Variants in OR6K6 observed in about 807,000 individuals in gnomAD.
OR6K6 encodes olfactory receptor family 6 subfamily K member 6, also known as olfactory receptor 6K6.
Under a neutral mutation model 8.1 loss-of-function variants are expected in OR6K6, and 9 were observed. The ratio of observed to expected loss-of-function variants is 1.11; its 90% CI spans 0.67 to 1.94. The LOEUF (loss-of-function observed/expected upper bound fraction) is 1.94, where lower values mean the gene tolerates loss of function less well. Among genes scored for constraint, OR6K6 ranks in the 30% most tolerant of loss-of-function variants. OR6K6 has a pLI of 0.00. For synonymous variants in OR6K6, 156 were observed against 140.3 expected (o/e 1.11, Z -0.79); for missense variants, 400 against 383.1 (o/e 1.04, Z -0.37).
At position 158,754,816 on chromosome 1, in the gene OR6K6, A is replaced by G. The variant is rs1343823165; in HGVS notation, c.-72A>G. 5.6e-6 allele frequency: 9 copies of G among 1,599,454 alleles called. No individual in the cohort carries two copies. The highest frequency in any genetic ancestry group is 1.7e-4 in the Middle Eastern group (1 of 5,988). The stretch of plus-strand genomic sequence containing the variant: ...CTTGAGTAACTCATTACAGAAAGGA[A>G]TGAAGCAATATTCAGTGGGTAATCA... On this transcript the variant is annotated 5_prime_UTR_variant, in exon 1 of 1. An upstream start codon of the reference 5' UTR is lost. Coordinates refer to ENST00000641861, the Ensembl canonical transcript of OR6K6.
chr1:158,754,933 T>C, exon 1 of OR6K6: 1 of 1,614,128 alleles, frequency 6.2e-7, no homozygotes, highest in Non-Finnish European at 8.5e-7. Flanking sequence ...GGTGACTGAG[T>C]TCCTCTTCTC....
At chr1:158,755,376 G>A in exon 1 of OR6K6, 1 of 1,614,200 alleles carries the variant, frequency 6.2e-7, no homozygotes, top group South Asian at 1.1e-5. Context: ...TGCTTCCTGA[G>A]ATTGCATGGA....
exon 1 of OR6K6, chr1:158,754,857 G>C (rs41273539): frequency 1.5e-5 from 25 of 1,613,060 alleles, no homozygotes; most frequent in Non-Finnish European, 1.8e-5. Flanking sequence ...CCAATTATAG[G>C]AGTCTCTTGT....
exon 1 of OR6K6, chr1:158,755,566 G>C: frequency 6.2e-7 from 1 of 1,614,196 alleles, no homozygotes; most frequent in South Asian, 1.1e-5. Flanking sequence ...GATTATTATA[G>C]TGATTCTGGG....
rs368378550 is a variant in OR6K6 at position 158,755,069 on chromosome 1, C to T, written c.182C>T (p.Thr61Ile). ...ATCCAGGTGGGCATGGCCCTGCACA[C>T]CCCTTTGTATTTCTTTATCAGTGTC... is the stretch of plus-strand genomic sequence containing the variant. The change falls in exon 1 of 1, where the codon ACC (threonine) becomes ATC (isoleucine). Residue 61 changes from threonine to isoleucine, a missense_variant. Physicochemically the swap from Thr to Ile is moderately conservative, Grantham distance 89 (BLOSUM62 -1). Coordinates refer to ENST00000641861, the Ensembl canonical transcript of OR6K6. The T allele has an allele frequency of 2.5e-6, 4 of 1,614,008 alleles. No homozygotes were observed. The African/African-American group carries it at 4.0e-5, about 16-fold the overall frequency.
At chr1:158,755,429 T>C in exon 1 of OR6K6, 2 of 1,614,200 alleles carry the variant, frequency 1.2e-6, no homozygotes, top group South Asian at 2.2e-5. Flanking sequence ...ATCCACCAGA[T>C]ATTCTGTGAT....
At chr1:158,754,875 T>C in exon 1 of OR6K6, 2 of 1,613,840 alleles carry the variant, frequency 1.2e-6, no homozygotes, top group South Asian at 1.1e-5. Flanking sequence ...TGTTTCCTTT[T>C]CTGTGTTCAC....
chr1:158,755,629 C>G (rs149252068), exon 1 of OR6K6: 2 of 1,614,178 alleles, frequency 1.2e-6, no homozygotes. Flanking sequence ...TGCTGCTCAC[C>G]TTGCTGTGTT....
chr1:158,755,386 A>G (rs1571590932), exon 1 of OR6K6: 1 of 1,613,956 alleles, frequency 6.2e-7, no homozygotes, highest in Non-Finnish European at 8.5e-7. Flanking sequence ...GATTGCATGG[A>G]TTTCCACCTT....
At chr1:158,755,372 C>G in exon 1 of OR6K6, 1 of 1,614,184 alleles carries the variant, frequency 6.2e-7, no homozygotes, top group Non-Finnish European at 8.5e-7. Context: ...CTTGTGCTTC[C>G]TGAGATTGCA....
Position 158,754,748 on chromosome 1 carries a change from TA to T in OR6K6, c.-138del. ...ATGATTTTGGCATGGAGGTAAAGCTTAAGAGATATTTCTAACTGGTTTCTTC... is the reference window on the plus strand; with the variant it reads ...ATGATTTTGGCATGGAGGTAAAGCTTAGAGATATTTCTAACTGGTTTCTTC... On this transcript the variant is annotated 5_prime_UTR_variant, in exon 1 of 1. The change abolishes the stop of an existing upstream ORF in the 5' untranslated region. Transcript: ENST00000641861. The T allele has an allele frequency of 8.2e-7, 1 of 1,223,012 alleles. No homozygotes were observed. The highest frequency in any genetic ancestry group is 1.2e-6 in the Non-Finnish European group (1 of 860,592). 75.8% of individuals were successfully genotyped at this position (1,223,012 alleles called of 1,614,324 possible).
exon 1 of OR6K6, chr1:158,754,768 T>C: frequency 1.5e-6 from 2 of 1,374,468 alleles, no homozygotes; most frequent in African/African-American, 1.5e-5. Context: ...TTCTAACTGG[T>C]TTCTTCAGGA....
exon 1 of OR6K6, chr1:158,754,757 T>C (rs1451134282): frequency 4.6e-6 from 6 of 1,301,274 alleles, no homozygotes; most frequent in Non-Finnish European, 6.5e-6. Context: ...TTAAGAGATA[T>C]TTCTAACTGG....
At chr1:158,755,660 T>C (rs1656974672) in exon 1 of OR6K6, 2 of 1,614,220 alleles carry the variant, frequency 1.2e-6, no homozygotes, top group Admixed American at 1.7e-5. Context: ...TTTGGCAGTG[T>C]GGCTGTCATG....
exon 1 of OR6K6, chr1:158,755,520 A>C: frequency 6.2e-7 from 1 of 1,614,070 alleles, no homozygotes; most frequent in Non-Finnish European, 8.5e-7. Flanking sequence ...CGGAAATTGT[A>C]GCCTCCTTCC....
At chr1:158,755,265 G>A (rs1656961076) in exon 1 of OR6K6, 1 of 1,614,028 alleles carries the variant, frequency 6.2e-7, no homozygotes, top group South Asian at 1.1e-5. Context: ...CCATTGACAG[G>A]TACATAGCTA....
rs781061029 is a variant in OR6K6 at position 158,755,056 on chromosome 1, A to T, written c.169A>T (p.Met57Leu). ...AATGTTCATTGTCATCCAGGTGGGC[A>T]TGGCCCTGCACACCCCTTTGTATTT... Residue 57 changes from methionine to leucine, a missense_variant, in exon 1 of 1, where the codon ATG becomes TTG. Met to Leu is a conservative substitution (Grantham distance 15). Coordinates refer to ENST00000641861, the Ensembl canonical transcript of OR6K6. The T allele has an allele frequency of 7.4e-6, 12 of 1,614,034 alleles. No individual in the cohort carries two copies. In the Admixed American group the frequency reaches 1.8e-4, roughly 25 times the overall value.
At chr1:158,755,245 A>G (rs747162863) in exon 1 of OR6K6, 1 of 1,614,110 alleles carries the variant, frequency 6.2e-7, no homozygotes, top group South Asian at 1.1e-5. Context: ...CTGTGTCCTG[A>G]CAGCAATGGC....
exon 1 of OR6K6, chr1:158,754,945 A>C: frequency 6.2e-7 from 1 of 1,614,094 alleles, no homozygotes; most frequent in Non-Finnish European, 8.5e-7. Flanking sequence ...CCTCTTCTCT[A>C]TGTTCCCGCA....
Sources: gnomAD v4.1 joint callset for allele counts on GRCh38, gnomAD v4.1.1 for gene constraint, MANE v1.5 for transcripts, NCBI Gene and HGNC (gene_info 2026-07-23, HGNC 2026-07-21) for gene names.